RBFOX1: variants seen among roughly 807,000 people sequenced by gnomAD.
The protein encoded by RBFOX1 is RNA binding fox-1 homolog 1, also known as RNA binding protein fox-1 homolog 1.
Under a neutral mutation model 57.7 loss-of-function variants are expected in RBFOX1, and 8 were observed. The observed-to-expected ratio is 0.14, with a 90% confidence interval of 0.08 to 0.25. RBFOX1 has a LOEUF of 0.25. RBFOX1 is among the 10% of genes least tolerant of loss of function. The probability of loss-of-function intolerance (pLI) is 1.00; values close to 1 mark genes in which losing one functional copy is unlikely to be tolerated. For synonymous variants in RBFOX1, 326 were observed against 222.4 expected (o/e 1.47, Z -4.15); for missense variants, 611 against 548.5 (o/e 1.11, Z -1.14).
At chr16:6,246,180 C>G (rs542187714) in intron 1 of RBFOX1, among the ~76,000 whole-genome samples, 20 of 152,284 alleles carry the variant, frequency 1.3e-4, no homozygotes, top group African/African-American at 4.1e-4. Context: ...GAATCAAATG[C>G]ATGACTCGTG....
At chr16:5,346,079 A>C (rs747044455) in intron 1 of RBFOX1, among the ~76,000 whole-genome samples, 5 of 152,184 alleles carry the variant, frequency 3.3e-5, no homozygotes, top group Non-Finnish European at 7.3e-5. Context: ...CCAGCAGCCC[A>C]CTACCTGGTG....
chr16:6,561,071 C>T (rs1181911469), intron 2 of RBFOX1, among the ~76,000 whole-genome samples: 1 of 152,178 alleles, frequency 6.6e-6, no homozygotes, highest in African/African-American at 2.4e-5. Context: ...TTGCTATGTG[C>T]AGCTGTTTTT....
rs979298741 is a variant in RBFOX1 at position 5,466,662 on chromosome 16, A to G, written c.220-554A>G. ...TTTATCTCAACCTGTAGGGCTAGAT[A>G]TGCTCTGGTCCCTGCCTGCCTCCTT... On this transcript the variant is annotated intron_variant, in intron 1 of 2. Transcript: ENST00000585867. Among the ~76,000 whole-genome samples the G allele has an allele frequency of 5.3e-5, 8 of 152,186 alleles. No homozygotes were observed. The East Asian group carries it at 9.6e-4, about 18-fold the overall frequency.
chr16:5,866,918 G>A (rs545734178), intron 3 of RBFOX1, among the ~76,000 whole-genome samples: 2 of 152,212 alleles, frequency 1.3e-5, no homozygotes, highest in South Asian at 4.2e-4. Flanking sequence ...ACACTGACTT[G>A]AAACTTTAAG....
At chr16:6,087,401 A>G (rs2096103278) in intron 1 of RBFOX1, among the ~76,000 whole-genome samples, 1 of 152,162 alleles carries the variant, frequency 6.6e-6, no homozygotes, top group Admixed American at 6.5e-5. Flanking sequence ...TAGGATAAAA[A>G]GAAGTTCAGA....
At chr16:6,645,500 C>G (rs2098526486) in intron 2 of RBFOX1, among the ~76,000 whole-genome samples, 1 of 152,102 alleles carries the variant, frequency 6.6e-6, no homozygotes, top group South Asian at 2.1e-4. Flanking sequence ...GCATTGTGGG[C>G]ATGAATAACC....
At chr16:6,926,396 C>G (rs1014380270) in intron 3 of RBFOX1, among the ~76,000 whole-genome samples, 4 of 152,172 alleles carry the variant, frequency 2.6e-5, no homozygotes, top group African/African-American at 9.6e-5. Context: ...AAAGTACCCA[C>G]TGGGATCCTC....
chr16:5,608,976 C>T (rs552567167), intron 3 of RBFOX1, among the ~76,000 whole-genome samples: 174 of 152,288 alleles, frequency 1.1e-3, no homozygotes, highest in South Asian at 6.8e-3. Context: ...ATATCCATTT[C>T]GCCAATCCAT....
chr16:6,901,217 A>C (rs568174516), intron 3 of RBFOX1, among the ~76,000 whole-genome samples: 1 of 152,340 alleles, frequency 6.6e-6, no homozygotes, highest in South Asian at 2.1e-4. Flanking sequence ...GATAAGAAGA[A>C]AGAGAGGAAA....
chr16:6,004,306 C>G (rs1199224936), intron 4 of RBFOX1, among the ~76,000 whole-genome samples: 1 of 152,208 alleles, frequency 6.6e-6, no homozygotes, highest in Admixed American at 6.5e-5. Flanking sequence ...GGACATTTCA[C>G]TTAGCTTCTC....
chr16:6,957,382 A>C (rs115900637), intron 3 of RBFOX1, among the ~76,000 whole-genome samples: 1 of 151,882 alleles, frequency 6.6e-6, no homozygotes, highest in Non-Finnish European at 1.5e-5. Context: ...CTGCCTCCCA[A>C]TGTGCTGCGA....
intron 3 of RBFOX1, among the ~76,000 whole-genome samples, chr16:6,942,145 A>G (rs1307154111): frequency 6.6e-6 from 1 of 152,150 alleles, no homozygotes; most frequent in Non-Finnish European, 1.5e-5. Flanking sequence ...AGGCTGAGGC[A>G]GGAGAATTGC....
chr16:6,655,355 C>G (rs2098640871), intron 3 of RBFOX1, among the ~76,000 whole-genome samples: 1 of 63,166 alleles, frequency 1.6e-5, no homozygotes, highest in African/African-American at 7.0e-5. Flanking sequence ...GCCTGAGTGA[C>G]AAAATAAGCC....
intron 1 of RBFOX1, among the ~76,000 whole-genome samples, chr16:6,217,167 G>C (rs1221375558): frequency 7.4e-6 from 1 of 134,944 alleles, no homozygotes; most frequent in East Asian, 2.3e-4. Context: ...TATTCATTTA[G>C]GGGATTCTTT....
At chr16:7,246,155 A>C (rs374814250) in intron 4 of RBFOX1, among the ~76,000 whole-genome samples, 1 of 152,188 alleles carries the variant, frequency 6.6e-6, no homozygotes, top group African/African-American at 2.4e-5. Context: ...GTTTTGTTCA[A>C]GTTTGCTGAA....
chr16:5,805,294 T>C (rs1342245783), intron 3 of RBFOX1, among the ~76,000 whole-genome samples: 1 of 152,152 alleles, frequency 6.6e-6, no homozygotes, highest in Non-Finnish European at 1.5e-5. Context: ...ATTTACTCAT[T>C]CCATAAGCAC....
chr16:6,915,513 A>G (rs957820697), intron 3 of RBFOX1, among the ~76,000 whole-genome samples: 8 of 151,218 alleles, frequency 5.3e-5, no homozygotes, highest in Admixed American at 5.3e-4. Context: ...AATCTAAACA[A>G]TAACTATTTT....
At chr16:6,945,088 C>A (rs187315021) in intron 3 of RBFOX1, among the ~76,000 whole-genome samples, 1 of 152,082 alleles carries the variant, frequency 6.6e-6, no homozygotes, top group African/African-American at 2.4e-5. Context: ...GAGCAGGGGC[C>A]AGCTCTGCAC....
At chr16:7,393,161 A>T (rs2098072462) in intron 4 of RBFOX1, among the ~76,000 whole-genome samples, 1 of 152,154 alleles carries the variant, frequency 6.6e-6, no homozygotes, top group Non-Finnish European at 1.5e-5. Flanking sequence ...GGTGTGAGCC[A>T]CCGCACCCCA....
Sources: gnomAD v4.1 joint callset for allele counts (sites outside exome capture counted in the v4.1 genomes callset) on GRCh38, gnomAD v4.1.1 for gene constraint, MANE v1.5 for transcripts, NCBI Gene and HGNC (gene_info 2026-07-23, HGNC 2026-07-21) for gene names.